The following NUP210 variants were observed in gnomAD, a reference collection of about 807,000 sequenced individuals.
NUP210 encodes the protein nuclear pore membrane glycoprotein 210.
In NUP210, 151 loss-of-function variants were observed where a neutral mutation model predicts 196.0. That is an observed-to-expected ratio of 0.77 (90% confidence interval 0.67 to 0.88). The LOEUF is 0.88. NUP210 is among the 40% of genes least tolerant of loss of function. The probability of loss-of-function intolerance (pLI) is 0.00; values close to 1 mark genes in which losing one functional copy is unlikely to be tolerated. For missense variants in NUP210, 2,314 were observed against 2,493.7 expected, an observed-to-expected ratio of 0.93 and a Z score of 1.53; for synonymous variants, 1,070 against 1,052.7, an observed-to-expected ratio of 1.02 and a Z score of -0.32.
At chr3:13,397,529 C>CAG (rs1347409582) in intron 2 of NUP210, 41 bp from the exon 3 acceptor site, 5 of 1,520,566 alleles carry the variant, frequency 3.3e-6, no homozygotes, top group Non-Finnish European at 4.4e-6. Flanking sequence ...AAAGACAGTC[C>CAG]CCGCCCCTGG....
At chr3:13,363,912 A>AAG (rs2124897673) in intron 14 of NUP210, among the ~76,000 whole-genome samples, 1 of 152,264 alleles carries the variant, frequency 6.6e-6, no homozygotes, top group African/African-American at 2.4e-5. Context: ...AGGGGCCCTG[A>AAG]AGAACCCCTC....
rs764842074 is a variant in NUP210 at position 13,352,161 on chromosome 3, C to T, written c.2652G>A (p.Ser884=). ...KQPHDPLVPL[S]ASIELILVED... is the part of the protein sequence containing the mutation. ...CCACCAGGATGAGCTCTATGGAGGC[C>T]GACAGAGGCACCAGAGGGTCATGCT... The change falls in exon 19 of 40, where the codon TCG becomes TCA. Residue 884 remains serine (S), a synonymous_variant. Transcript: ENST00000254508. 13 of 1,613,480 alleles carry T rather than the reference C, an allele frequency of 8.1e-6. No homozygotes were observed. The highest frequency in any genetic ancestry group is 1.3e-5 in the African/African-American group (1 of 74,894).
chr3:13,339,513 G>C (rs990401572), intron 25 of NUP210, among the ~76,000 whole-genome samples: 1 of 152,240 alleles, frequency 6.6e-6, no homozygotes, highest in African/African-American at 2.4e-5. Context: ...GATTCAAGGA[G>C]ATGAAGGCAA....
intron 3 of NUP210, among the ~76,000 whole-genome samples, chr3:13,394,796 A>G (rs1699599639): frequency 6.6e-6 from 1 of 152,210 alleles, no homozygotes; most frequent in South Asian, 2.1e-4. Flanking sequence ...AAGGCACATC[A>G]TTTCTGGGAC....
intron 26 of NUP210, 56 bp downstream of exon 26, chr3:13,337,781 G>A: frequency 6.7e-7 from 1 of 1,498,310 alleles, no homozygotes; most frequent in South Asian, 1.2e-5. Flanking sequence ...TTGAGGACAG[G>A]GTCCCAGCAG....
chr3:13,385,461 C>T (rs1017025100), intron 6 of NUP210, among the ~76,000 whole-genome samples: 9 of 152,298 alleles, frequency 5.9e-5, no homozygotes, highest in East Asian at 1.9e-4. Context: ...CATTGAGAAC[C>T]GTCACTATCT....
chr3:13,352,044 G>T, intron 19 of NUP210, 36 bp downstream of exon 19: 2 of 1,605,372 alleles, frequency 1.2e-6, no homozygotes, highest in Non-Finnish European at 1.7e-6. Context: ...CCCCCCGTGG[G>T]TCTTGCCCAG....
In NUP210 at chr3:13,420,266, GCCCGCGCCGC is replaced by G; in HGVS notation, c.-50_-41del. 1.9e-6 allele frequency: 2 copies of G among 1,045,556 alleles called. No homozygotes were observed. Among genetic ancestry groups the G allele is most frequent in the Non-Finnish European group, 2.3e-6 (2 of 869,978 alleles). 64.8% of individuals were successfully genotyped at this position (1,045,556 alleles called of 1,614,324 possible). ...ACCTCCCGCGACCCTGCGCCCGGCCGCCCGCGCCGCCCCGTTGCCCTCCGCTCCCGCCCGC... is the reference window on the plus strand; with the variant it reads ...ACCTCCCGCGACCCTGCGCCCGGCCGCCCGTTGCCCTCCGCTCCCGCCCGC... On this transcript the variant is annotated 5_prime_UTR_variant, in exon 1 of 40. Coordinates refer to ENST00000254508, the MANE Select transcript of NUP210 (RefSeq NM_024923.4). The surrounding 1 kb of genome is among the most constrained non-coding windows in gnomAD (Gnocchi z 4.8).
At chr3:13,392,726 C>A (rs1699530723) in intron 3 of NUP210, among the ~76,000 whole-genome samples, 1 of 152,252 alleles carries the variant, frequency 6.6e-6, no homozygotes, top group African/African-American at 2.4e-5. Flanking sequence ...CCTTCTTCTG[C>A]ACACTGAGCT....
chr3:13,330,236 A>G (rs192187267), intron 30 of NUP210, among the ~76,000 whole-genome samples: 1 of 152,358 alleles, frequency 6.6e-6, no homozygotes, highest in Non-Finnish European at 1.5e-5. Context: ...CATCTATGAA[A>G]TGAAGTTCTT....
At chr3:13,328,746 G>C in intron 31 of NUP210, 25 bp downstream of exon 31, 1 of 1,609,520 alleles carries the variant, frequency 6.2e-7, no homozygotes, top group South Asian at 1.1e-5. Flanking sequence ...CTTCATAGGA[G>C]AAATGACCCT....
chr3:13,358,449 C>A, intron 15 of NUP210, 54 bp from the exon 16 acceptor site: 1 of 1,520,840 alleles, frequency 6.6e-7, no homozygotes. Context: ...TCACTCCTCT[C>A]TGAGCTATGC....
rs1169828160 is a variant in NUP210 at position 13,325,809 on chromosome 3, T to G, written c.4630A>C (p.Arg1544=). The G allele has an allele frequency of 1.2e-6, 2 of 1,613,852 alleles. No individual in the cohort carries two copies. The highest frequency in any genetic ancestry group is 1.7e-6 in the Non-Finnish European group (2 of 1,179,998). ...TTAGAGCCCACCTCCTTGTAGGTCC[T>G]CAGGTGCCCAGCGACCTCATAGTAA... ...TVYYEVAGHL[R]TYKEVVVSVP... Residue 1544 remains arginine, a synonymous_variant, in exon 33 of 40, where the codon AGG becomes CGG. Transcript: ENST00000254508.
Position 13,347,165 on chromosome 3 carries a change from C to A in NUP210, c.2836-3862G>T. 1.0e-6 allele frequency: 1 copy of A among 985,418 alleles called. No individual in the cohort carries two copies. The highest frequency in any genetic ancestry group is 1.7e-5 in the African/African-American group (1 of 57,368). 61.0% of individuals were successfully genotyped at this position (985,418 alleles called of 1,614,324 possible). A position where few individuals can be genotyped will look rare whatever the true frequency, so the allele number is the denominator to read the frequency against. On this transcript the variant is annotated intron_variant, in intron 20 of 39. Transcript: ENST00000254508. This position sits in a 1 kb window ranked among gnomAD's most constrained non-coding sequence, Gnocchi z 4.7. ...AGAGAAGCAGCCGCAGCTCATAGGA[C>A]CCAGGAGATGGAGAGACACAGCTGC...
At chr3:13,415,920 G>C (rs2124969199) in intron 1 of NUP210, among the ~76,000 whole-genome samples, 1 of 152,282 alleles carries the variant, frequency 6.6e-6, no homozygotes, top group East Asian at 1.9e-4. Context: ...TTCCCCTGCT[G>C]GGGCAGGGAG....
intron 20 of NUP210, 36 bp from the exon 21 acceptor site, chr3:13,343,339 T>C (rs1358857462): frequency 3.5e-6 from 1 of 282,522 alleles, no homozygotes; most frequent in South Asian, 3.3e-5. Flanking sequence ...GGGTGGGTGG[T>C]GGGTTACGCA....
intron 10 of NUP210, 115 bp from the exon 11 acceptor site, chr3:13,375,756 G>A (rs570941707): frequency 1.3e-4 from 150 of 1,154,378 alleles, no homozygotes; most frequent in Non-Finnish European, 1.8e-4. Flanking sequence ...TGGATTTGGG[G>A]GAAGAGTGGA....
At chr3:13,328,336 CCACGAAGGG>C (rs1221418178) in intron 31 of NUP210, among the ~76,000 whole-genome samples, 1 of 152,212 alleles carries the variant, frequency 6.6e-6, no homozygotes, top group Non-Finnish European at 1.5e-5. Context: ...CTCACAGGGC[CCACGAAGGG>C]CAGAGCTGGG....
chr3:13,330,643 A>G lies in NUP210; in HGVS notation c.3936-9T>C. The G allele has an allele frequency of 6.2e-7, 1 of 1,613,154 alleles. No homozygotes were observed. The highest frequency in any genetic ancestry group is 1.3e-5 in the African/African-American group (1 of 75,006). ...GAGAGGCTGCACCATCCCTTTGGAA[A>G]ACAAAACAGAGCTGTTTTTGTAGAT... On this transcript the variant is annotated splice_polypyrimidine_tract_variant and intron_variant, in intron 29 of 39. Coordinates refer to ENST00000254508, the MANE Select transcript of NUP210 (RefSeq NM_024923.4).
Sources: allele counts gnomAD v4.1 joint callset (sites outside exome capture counted in the v4.1 genomes callset), GRCh38; gene constraint gnomAD v4.1.1; non-coding constraint Gnocchi (gnomAD v3.1); transcripts MANE v1.5; gene names NCBI Gene and HGNC (gene_info 2026-07-23, HGNC 2026-07-21).